Variants in XRCC4 observed in about 807,000 individuals in gnomAD.
XRCC4 encodes the protein X-ray repair cross complementing 4.
A neutral mutation model predicts 39.1 loss-of-function variants in XRCC4; 28 were observed. That is an observed-to-expected ratio of 0.72 (90% confidence interval 0.53 to 0.98). XRCC4 has a LOEUF of 0.98. Ranked by LOEUF, XRCC4 falls within the 50% of genes least tolerant of loss-of-function variation. The pLI is 0.00. For missense variants in XRCC4, 350 were observed against 376.4 expected, an observed-to-expected ratio of 0.93 and a Z score of 0.58; for synonymous variants, 123 against 126.4, an observed-to-expected ratio of 0.97 and a Z score of 0.18.
chr5:83,298,899 T>C (rs1473530379), intron 7 of XRCC4, among the ~76,000 whole-genome samples: 1 of 152,038 alleles, frequency 6.6e-6, no homozygotes, highest in East Asian at 1.9e-4. Flanking sequence ...CTAACTTTTA[T>C]GTTATTTTTA....
chr5:83,194,884 T>C (rs1042420443), intron 3 of XRCC4, among the ~76,000 whole-genome samples: 7 of 152,208 alleles, frequency 4.6e-5, no homozygotes, highest in African/African-American at 1.4e-4. Context: ...TTTACTGATC[T>C]ATAATGTGGA....
intron 6 of XRCC4, among the ~76,000 whole-genome samples, chr5:83,246,107 T>C (rs1328717961): frequency 6.6e-6 from 1 of 152,100 alleles, no homozygotes; most frequent in Non-Finnish European, 1.5e-5. Flanking sequence ...ATATTTTTTA[T>C]TTTCCAACTG....
At chr5:83,088,291 A>G (rs759057232) in intron 1 of XRCC4, among the ~76,000 whole-genome samples, 2 of 152,210 alleles carry the variant, frequency 1.3e-5, no homozygotes, top group Non-Finnish European at 2.9e-5. Context: ...TATAATTTAT[A>G]TAGAACTCTG....
At position 83,077,631 on chromosome 5, in the gene XRCC4, G is replaced by T; in HGVS notation, c.-11+16G>T. Reference sequence around the variant, plus strand: ...TCACGGAGAGGTAGGATCCGGAAGTGGGGCTGCCTCTTTAAATAACAAAAA... The same window carrying T: ...TCACGGAGAGGTAGGATCCGGAAGTTGGGCTGCCTCTTTAAATAACAAAAA... On this transcript the variant is annotated intron_variant, in intron 1 of 7. Transcript: ENST00000396027. The T allele has an allele frequency of 2.6e-6, 1 of 380,604 alleles. No homozygotes were observed. The highest frequency in any genetic ancestry group is 4.8e-6 in the Non-Finnish European group (1 of 207,168). 23.6% of individuals were successfully genotyped at this position (380,604 alleles called of 1,614,324 possible).
In XRCC4 at chr5:83,117,631, ATGTGTGTGTG is replaced by A. The variant is rs70973379; in HGVS notation, c.315+6462_315+6471del. Among the ~76,000 whole-genome samples the A allele has an allele frequency of 4.1e-3, 597 of 145,984 alleles. 11 individuals carry two copies. The highest frequency in any genetic ancestry group is 0.012 in the African/African-American group (477 of 39,496). Reference sequence around the variant, plus strand: ...TAACATATTGTAGAGCTACATATATATGTGTGTGTGTGTGTGTGTGTGTGTGTGTGTGTGT... The same window carrying A: ...TAACATATTGTAGAGCTACATATATATGTGTGTGTGTGTGTGTGTGTGTGT... On this transcript the variant is annotated intron_variant, in intron 3 of 7. Coordinates refer to ENST00000396027, the MANE Select transcript of XRCC4 (RefSeq NM_003401.5).
chr5:83,185,293 A>G (rs1750385546), intron 3 of XRCC4, among the ~76,000 whole-genome samples: 1 of 151,700 alleles, frequency 6.6e-6, no homozygotes, highest in Non-Finnish European at 1.5e-5. Flanking sequence ...TTTGTAATTC[A>G]TTTTGGAAAG....
At chr5:83,233,276 A>G (rs1028430913) in intron 6 of XRCC4, among the ~76,000 whole-genome samples, 2 of 152,154 alleles carry the variant, frequency 1.3e-5, no homozygotes, top group African/African-American at 4.8e-5. Context: ...TTTGACTTGG[A>G]TAACCACATC....
intron 7 of XRCC4, among the ~76,000 whole-genome samples, chr5:83,296,299 A>G (rs72769345): frequency 0.048 from 7,271 of 152,104 alleles, 242 homozygotes; most frequent in South Asian, 0.15. Flanking sequence ...GGCCTGTTTT[A>G]TTCATCCTAT....
At chr5:83,114,236 C>T (rs965950089) in intron 3 of XRCC4, among the ~76,000 whole-genome samples, 4 of 152,290 alleles carry the variant, frequency 2.6e-5, no homozygotes, top group South Asian at 2.1e-4. Context: ...TGACATGCCT[C>T]GGAGACATTT....
chr5:83,277,555 T>C (rs913571031), intron 7 of XRCC4, among the ~76,000 whole-genome samples: 3 of 152,340 alleles, frequency 2.0e-5, no homozygotes, highest in South Asian at 2.1e-4. Context: ...CTATTCCAAC[T>C]GATGGGTTAC....
chr5:83,178,022 GA>G (rs1389332832), intron 3 of XRCC4, among the ~76,000 whole-genome samples: 2 of 152,062 alleles, frequency 1.3e-5, no homozygotes, highest in African/African-American at 4.8e-5. Context: ...AGATAAGGGG[GA>G]CAGAGTGGAG....
intron 6 of XRCC4, among the ~76,000 whole-genome samples, chr5:83,249,772 T>C (rs1447660013): frequency 6.6e-6 from 1 of 152,162 alleles, no homozygotes; most frequent in Non-Finnish European, 1.5e-5. Flanking sequence ...TGATTTTGAC[T>C]TACTAGTCAA....
chr5:83,117,406 G>T (rs959142766), intron 3 of XRCC4, among the ~76,000 whole-genome samples: 2 of 152,142 alleles, frequency 1.3e-5, no homozygotes, highest in Non-Finnish European at 2.9e-5. Flanking sequence ...GCATCTTAAT[G>T]AATAATGTAT....
intron 6 of XRCC4, among the ~76,000 whole-genome samples, chr5:83,215,539 A>T (rs1393519386): frequency 6.6e-6 from 1 of 152,162 alleles, no homozygotes; most frequent in African/African-American, 2.4e-5. Flanking sequence ...ACTCTTTCTG[A>T]TTTCAAAAGT....
At chr5:83,166,330 A>G (rs1749471876) in intron 3 of XRCC4, among the ~76,000 whole-genome samples, 2 of 152,210 alleles carry the variant, frequency 1.3e-5, no homozygotes. Flanking sequence ...CTTTGGGTAT[A>G]TACCTAGTAA....
intron 7 of XRCC4, among the ~76,000 whole-genome samples, chr5:83,267,449 G>A (rs1341234873): frequency 2.0e-5 from 3 of 152,158 alleles, no homozygotes; most frequent in Non-Finnish European, 4.4e-5. Context: ...GCAGTGATGG[G>A]TGGCCATGTG....
rs1001827088 is a variant in XRCC4 at position 83,175,795 on chromosome 5, G to T, written c.316-19975G>T. Reference sequence around the variant, plus strand: ...GATTAATTTTTGTATTTTGAGTAGAGACGGTGTTTTGCCGTGTTGGCCAGG... The same window carrying T: ...GATTAATTTTTGTATTTTGAGTAGATACGGTGTTTTGCCGTGTTGGCCAGG... On this transcript the variant is annotated intron_variant, in intron 3 of 7. Transcript: ENST00000396027. Among the ~76,000 whole-genome samples the T allele has an allele frequency of 2.0e-5, 3 of 152,100 alleles. No individual in the cohort carries two copies. The South Asian group carries it at 6.2e-4, about 31-fold the overall frequency.
At chr5:83,190,471 C>T (rs964978452) in intron 3 of XRCC4, among the ~76,000 whole-genome samples, 2 of 152,158 alleles carry the variant, frequency 1.3e-5, no homozygotes, top group African/African-American at 4.8e-5. Context: ...GGCCGTTATG[C>T]ACCTAGTAAT....
At chr5:83,208,304 T>A (rs1234767222) in intron 6 of XRCC4, among the ~76,000 whole-genome samples, 1 of 152,048 alleles carries the variant, frequency 6.6e-6, no homozygotes, top group African/African-American at 2.4e-5. Context: ...ATTTGGTAGT[T>A]ATGCTTGTTT....
Sources: gnomAD v4.1 joint callset for allele counts (sites outside exome capture counted in the v4.1 genomes callset) on GRCh38, gnomAD v4.1.1 for gene constraint, MANE v1.5 for transcripts, NCBI Gene and HGNC (gene_info 2026-07-23, HGNC 2026-07-21) for gene names.